Variants in TMEM182 observed in about 807,000 individuals in gnomAD.
The protein encoded by TMEM182 is transmembrane protein 182.
TMEM182 carries 20 observed loss-of-function variants against 26.8 expected under a neutral mutation model. The ratio of observed to expected loss-of-function variants is 0.75; its 90% CI spans 0.53 to 1.09. The LOEUF is 1.09. Ranked by LOEUF, TMEM182 falls within the 50% of genes least tolerant of loss-of-function variation. The pLI, the probability that TMEM182 is intolerant of heterozygous loss-of-function variation, is 0.00. For synonymous variants in TMEM182, 109 were observed against 102.2 expected, an observed-to-expected ratio of 1.07 and a Z score of -0.40; for missense variants, 277 against 275.5, an observed-to-expected ratio of 1.01 and a Z score of -0.04.
intron 4 of TMEM182, among the ~76,000 whole-genome samples, chr2:102,812,381 A>T (rs992242234): frequency 3.7e-5 from 4 of 107,046 alleles, no homozygotes; most frequent in Non-Finnish European, 5.7e-5. Flanking sequence ...TTGTCTACAC[A>T]TGTACACACA....
chr2:102,796,254 T>C (rs1681863956), intron 3 of TMEM182, among the ~76,000 whole-genome samples: 1 of 152,250 alleles, frequency 6.6e-6, no homozygotes, highest in South Asian at 2.1e-4. Context: ...ACTTGATCTC[T>C]GTTAAGACTT....
At chr2:102,829,170 A>T (rs1683100556) in intron 3 of TMEM182, among the ~76,000 whole-genome samples, 1 of 152,202 alleles carries the variant, frequency 6.6e-6, no homozygotes. Context: ...ATTCCCAATC[A>T]GGTAGCACCT....
At chr2:102,764,874 A>G (rs1406571622) in intron 3 of TMEM182, among the ~76,000 whole-genome samples, 3 of 151,490 alleles carry the variant, frequency 2.0e-5, no homozygotes, top group Non-Finnish European at 4.4e-5. Context: ...ATATGTAATT[A>G]TGCTACTATA....
intron 3 of TMEM182, among the ~76,000 whole-genome samples, chr2:102,831,292 G>T (rs1352040845): frequency 2.0e-5 from 3 of 152,178 alleles, no homozygotes; most frequent in Non-Finnish European, 4.4e-5. Context: ...GTACTAATTT[G>T]CATTCCCACT....
intron 3 of TMEM182, among the ~76,000 whole-genome samples, chr2:102,789,534 A>G (rs1234102321): frequency 6.6e-6 from 1 of 152,226 alleles, no homozygotes; most frequent in Non-Finnish European, 1.5e-5. Flanking sequence ...CACCACCTGT[A>G]ACAACAGTAA....
At chr2:102,766,560 T>A (rs1476735736) in intron 3 of TMEM182, among the ~76,000 whole-genome samples, 1 of 152,168 alleles carries the variant, frequency 6.6e-6, no homozygotes, top group African/African-American at 2.4e-5. Context: ...GATATTATCT[T>A]TGTTAAATTT....
intron 3 of TMEM182, among the ~76,000 whole-genome samples, chr2:102,824,357 A>G (rs1411067630): frequency 6.6e-6 from 1 of 152,214 alleles, no homozygotes; most frequent in Non-Finnish European, 1.5e-5. Context: ...CCCAAATCTC[A>G]TGTCGAATCA....
chr2:102,772,804 A>G (rs572826776), intron 3 of TMEM182, among the ~76,000 whole-genome samples: 3 of 152,190 alleles, frequency 2.0e-5, no homozygotes, highest in Non-Finnish European at 2.9e-5. Context: ...AGTCGTTGCC[A>G]TGTAGTTGGT....
In TMEM182 at chr2:102,834,842, G is replaced by C. The variant is rs6733597; in HGVS notation, c.326-8570G>C. Among the ~76,000 whole-genome samples, 416 of 152,228 alleles carry C rather than the reference G, an allele frequency of 2.7e-3. 1 individual carries two copies. The highest frequency in any genetic ancestry group is 2.6e-3 in the Non-Finnish European group (179 of 68,012). Reference sequence around the variant, plus strand: ...GTTAATCACTCTGGGTTTTCCACTTGCCGGTTGTTACCTTAGGAATAAAAT... The same window carrying C: ...GTTAATCACTCTGGGTTTTCCACTTCCCGGTTGTTACCTTAGGAATAAAAT... On this transcript the variant is annotated intron_variant, in intron 3 of 3. Coordinates refer to the TMEM182 transcript ENST00000486293.
chr2:102,778,453 G>T (rs1182739822), intron 3 of TMEM182, among the ~76,000 whole-genome samples: 1 of 151,792 alleles, frequency 6.6e-6, no homozygotes, highest in Non-Finnish European at 1.5e-5. Context: ...ATAAAAATCT[G>T]GTCTGGGAAG....
downstream of TMEM182, among the ~76,000 whole-genome samples, chr2:102,821,987 C>CAAA (rs57270388): frequency 6.8e-5 from 7 of 103,186 alleles, no homozygotes; most frequent in African/African-American, 2.0e-4. Flanking sequence ...GACTCTGTCT[C>CAAA]AAAAAAAAAA....
intron 3 of TMEM182, among the ~76,000 whole-genome samples, chr2:102,766,280 T>G (rs2104664804): frequency 6.6e-6 from 1 of 152,328 alleles, no homozygotes. Flanking sequence ...TAAATACATG[T>G]CAGAAAAATT....
At chr2:102,746,275 T>C (rs1679693365) in intron 1 of TMEM182, among the ~76,000 whole-genome samples, 2 of 152,010 alleles carry the variant, frequency 1.3e-5, no homozygotes, top group Admixed American at 1.3e-4. Flanking sequence ...TCCTGTTTTT[T>C]AATTGCGATT....
intron 3 of TMEM182, among the ~76,000 whole-genome samples, chr2:102,787,971 C>T (rs1210018185): frequency 6.6e-6 from 1 of 152,226 alleles, no homozygotes; most frequent in African/African-American, 2.4e-5. Context: ...ACTAGCCACT[C>T]AGAGGGACCA....
intron 1 of TMEM182, among the ~76,000 whole-genome samples, chr2:102,746,357 T>C (rs1679696296): frequency 6.6e-6 from 1 of 152,214 alleles, no homozygotes; most frequent in African/African-American, 2.4e-5. Context: ...ATATGTAATT[T>C]CAAAATGTTT....
rs529758466 is a variant in TMEM182, at chr2:102,738,592, A to AAAT, written c.-83+1591_-83+1593dup. On this transcript the variant is annotated intron_variant, in intron 1 of 5. Coordinates refer to the TMEM182 transcript ENST00000409173. ...GGCAACAGAGGGAGACTCTGTGTAA[A>AAAT]AATAATAATAATAAAAGATTTGGAA... 7.9e-4 allele frequency among the ~76,000 whole-genome samples: 121 copies of AAAT among 152,260 alleles called. No individual in the cohort carries two copies. The East Asian group carries it at 0.014, about 17-fold the overall frequency.
At chr2:102,761,574 T>G (rs938249791), upstream of TMEM182, among the ~76,000 whole-genome samples, 2 of 152,254 alleles carry the variant, frequency 1.3e-5, no homozygotes, top group African/African-American at 4.8e-5. Flanking sequence ...AAACGTGAAC[T>G]GTACTGTGTT....
At chr2:102,813,414 CTAGCAATTAG>C (rs1682626581) in intron 4 of TMEM182, among the ~76,000 whole-genome samples, 3 of 152,224 alleles carry the variant, frequency 2.0e-5, no homozygotes, top group African/African-American at 4.8e-5. Flanking sequence ...TTCAGACATT[CTAGCAATTAG>C]ACTATGGAGA....
intron 3 of TMEM182, among the ~76,000 whole-genome samples, chr2:102,785,048 G>A (rs187622381): frequency 1.3e-5 from 2 of 152,202 alleles, no homozygotes; most frequent in East Asian, 3.9e-4. Context: ...CAACACCTCC[G>A]ACAATATCAT....
Sources: allele counts gnomAD v4.1 joint callset (sites outside exome capture counted in the v4.1 genomes callset), GRCh38; gene constraint gnomAD v4.1.1; transcripts MANE v1.5; gene names NCBI Gene and HGNC (gene_info 2026-07-23, HGNC 2026-07-21).